PSMF1: variants seen among roughly 807,000 people sequenced by gnomAD.
The protein encoded by PSMF1 is proteasome inhibitor PI31 subunit.
PSMF1 carries 30 observed loss-of-function variants against 29.3 expected under a neutral mutation model. The ratio of observed to expected loss-of-function variants is 1.02; its 90% CI spans 0.77 to 1.39. The LOEUF (loss-of-function observed/expected upper bound fraction) is 1.39. PSMF1 is among the 40% of genes most tolerant of loss of function. The pLI is 0.00. For synonymous variants in PSMF1, 134 were observed against 139.7 expected, an observed-to-expected ratio of 0.96 and a Z score of 0.29; for missense variants, 344 against 357.5, an observed-to-expected ratio of 0.96 and a Z score of 0.31.
Position 1,125,668 on chromosome 20 carries a change from G to T in PSMF1, c.282+18G>T. The T allele has an allele frequency of 6.2e-7, 1 of 1,603,292 alleles. No homozygotes were observed. The highest frequency in any genetic ancestry group is 8.5e-7 in the Non-Finnish European group (1 of 1,175,200). ...ATGTGCTGGTGAGTCTCTGGGACACGTGAGTCTGCTGATGAGATGGGGATA... is the reference window on the plus strand; with the variant it reads ...ATGTGCTGGTGAGTCTCTGGGACACTTGAGTCTGCTGATGAGATGGGGATA... On this transcript the variant is annotated intron_variant, in intron 2 of 6. Coordinates refer to ENST00000335877, the MANE Select transcript of PSMF1 (RefSeq NM_006814.5).
At chr20:1,160,902 G>C in intron 4 of PSMF1, 1 of 447,048 alleles carries the variant, frequency 2.2e-6, no homozygotes, top group Non-Finnish European at 4.5e-6. Flanking sequence ...TGCTGACTGA[G>C]GGCCCCCTGA....
At position 1,143,254 on chromosome 20, in the gene PSMF1, A is replaced by G. The variant is rs560950772; in HGVS notation, c.551+7948A>G. The stretch of plus-strand genomic sequence containing the variant: ...ATCATTCTACCCAATATTAGGGCTA[A>G]TTATATAGCTAAAGTAATCAAGATG... On this transcript the variant is annotated intron_variant, in intron 4 of 6. Coordinates refer to ENST00000335877, the MANE Select transcript of PSMF1 (RefSeq NM_006814.5). Among the ~76,000 whole-genome samples, 20 of 152,364 alleles carry G rather than the reference A, an allele frequency of 1.3e-4. No individual in the cohort carries two copies. The South Asian group carries it at 3.3e-3, about 25-fold the overall frequency.
At chr20:1,149,926 G>T (rs1360739042) in intron 4 of PSMF1, among the ~76,000 whole-genome samples, 1 of 151,386 alleles carries the variant, frequency 6.6e-6, no homozygotes, top group African/African-American at 2.5e-5. Context: ...TTGAGAGGCT[G>T]AGGTGGGAGG....
At chr20:1,153,326 A>T (rs1422622068) in intron 4 of PSMF1, among the ~76,000 whole-genome samples, 1 of 152,134 alleles carries the variant, frequency 6.6e-6, no homozygotes, top group South Asian at 2.1e-4. Context: ...GGCAGAATTC[A>T]GTTCCTTGCG....
In PSMF1 at chr20:1,165,093, T is replaced by C. The variant is rs201939911; in HGVS notation, c.*13T>C. On this transcript the variant is annotated 3_prime_UTR_variant, in exon 7 of 7. Coordinates refer to ENST00000335877, the MANE Select transcript of PSMF1 (RefSeq NM_006814.5). ...CATGTACCTGTGAAGGCCTCAAGAA[T>C]GTAACATCCCAGGCTTCCCTCCATT... The C allele has an allele frequency of 3.7e-6, 6 of 1,614,012 alleles. No individual in the cohort carries two copies. Among genetic ancestry groups the C allele is most frequent in the Admixed American group, 3.3e-5 (2 of 59,996 alleles).
At chr20:1,154,630 T>A (rs576402844) in intron 4 of PSMF1, among the ~76,000 whole-genome samples, 1 of 152,330 alleles carries the variant, frequency 6.6e-6, no homozygotes, top group South Asian at 2.1e-4. Context: ...CAGTGTCAGC[T>A]TACCTGGGAG....
In PSMF1 at chr20:1,165,403, G is replaced by A; in HGVS notation, c.*323G>A. The A allele has an allele frequency of 8.1e-7, 1 of 1,239,994 alleles. No individual in the cohort carries two copies. The highest frequency in any genetic ancestry group is 1.0e-6 in the Non-Finnish European group (1 of 987,038). The allele number at this position is 1,239,994 out of a possible 1,614,324, so 76.8% of individuals were successfully genotyped here. A position where few individuals can be genotyped will look rare whatever the true frequency, so the allele number is the denominator to read the frequency against. On this transcript the variant is annotated 3_prime_UTR_variant, in exon 7 of 7. Coordinates refer to ENST00000335877, the MANE Select transcript of PSMF1 (RefSeq NM_006814.5). ...ACATATATCCTCGACCAGATGCAGT[G>A]CTATAAGAACAGAACGCATTTTGGA...
At chr20:1,160,967 C>T in intron 4 of PSMF1, 2 of 424,504 alleles carry the variant, frequency 4.7e-6, no homozygotes, top group Non-Finnish European at 9.5e-6. Flanking sequence ...ACCTTCAATA[C>T]CCTGGACATG....
chr20:1,140,790 A>G (rs941050719), intron 4 of PSMF1, among the ~76,000 whole-genome samples: 5 of 152,260 alleles, frequency 3.3e-5, no homozygotes, highest in African/African-American at 1.2e-4. Context: ...AAATGTTCAA[A>G]GGATTTGAGT....
chr20:1,119,043 C>T (rs2086048706), intron 1 of PSMF1, 141 bp downstream of exon 1: 2 of 1,233,740 alleles, frequency 1.6e-6, no homozygotes, highest in Non-Finnish European at 2.2e-6. Flanking sequence ...TTGGTAAAAC[C>T]TGCGGGTCGG....
rs2086664190 is a variant in PSMF1, at chr20:1,161,283, A to G, written c.552-1847A>G. ...CGCTATGTCATCCTTCTCCCTGGAG[A>G]AAAGCTACAAACTGCCTGACAGCCA... On this transcript the variant is annotated intron_variant, in intron 4 of 6. Coordinates refer to ENST00000335877, the MANE Select transcript of PSMF1 (RefSeq NM_006814.5). 1.6e-5 allele frequency: 5 copies of G among 318,910 alleles called. No individual in the cohort carries two copies. In the South Asian group the frequency reaches 2.6e-4, roughly 17 times the overall value. 19.8% of individuals were successfully genotyped at this position (318,910 alleles called of 1,614,324 possible).
chr20:1,150,101 G>A (rs1041911908), intron 4 of PSMF1, among the ~76,000 whole-genome samples: 41 of 151,374 alleles, frequency 2.7e-4, no homozygotes, highest in African/African-American at 4.4e-4. Flanking sequence ...GATTGCTTGA[G>A]CCCAGGAGGT....
At chr20:1,115,697 C>G (rs1214593948), upstream of PSMF1, among the ~76,000 whole-genome samples, 2 of 151,294 alleles carry the variant, frequency 1.3e-5, no homozygotes, top group Non-Finnish European at 2.9e-5. Context: ...TTTGCACATA[C>G]TGTTTCCTTT....
intron 4 of PSMF1, chr20:1,161,746 C>A (rs950225927): frequency 8.3e-6 from 4 of 482,484 alleles, no homozygotes; most frequent in Non-Finnish European, 1.6e-5. Context: ...ATAATTCACA[C>A]GTATAAATTT....
chr20:1,118,942 C>A (rs2086046650), intron 1 of PSMF1, 40 bp downstream of exon 1: 1 of 1,607,024 alleles, frequency 6.2e-7, no homozygotes, highest in Non-Finnish European at 8.5e-7. Context: ...AGGGAACTGT[C>A]TTCTGCCCAA....
chr20:1,133,551 A>ATATGTG (rs1555760034), intron 3 of PSMF1, among the ~76,000 whole-genome samples: 1 of 61,196 alleles, frequency 1.6e-5, no homozygotes, highest in African/African-American at 5.7e-5. Flanking sequence ...TAGTCTATAT[A>ATATGTG]TGTGTATATA....
intron 3 of PSMF1, among the ~76,000 whole-genome samples, chr20:1,133,570 T>TATATATATATATATA (rs1555760108): frequency 3.6e-4 from 23 of 63,108 alleles, no homozygotes; most frequent in South Asian, 5.3e-4. Context: ...TATATATATA[T>TATATATATATATATA]TTTTTTTTTT....
At position 1,163,075 on chromosome 20, in the gene PSMF1, T is replaced by C; in HGVS notation, c.552-55T>C. 3 of 1,587,304 alleles carry C rather than the reference T, an allele frequency of 1.9e-6. No individual in the cohort carries two copies. The highest frequency in any genetic ancestry group is 2.6e-6 in the Non-Finnish European group (3 of 1,157,336). ...GTGAGTGTGTTTGTGATCCCACATG[T>C]ATCAGGTGCCTGGCTGCTCTGGGAC... On this transcript the variant is annotated intron_variant, in intron 4 of 6. Coordinates refer to ENST00000335877, the MANE Select transcript of PSMF1 (RefSeq NM_006814.5). This position sits in a 1 kb window ranked among gnomAD's most constrained non-coding sequence, Gnocchi z 6.1.
chr20:1,120,534 C>A (rs896705058), intron 1 of PSMF1, among the ~76,000 whole-genome samples: 2 of 152,158 alleles, frequency 1.3e-5, no homozygotes, highest in Non-Finnish European at 2.9e-5. Flanking sequence ...GCATAGTTCC[C>A]CTAACAGAAA....
Sources: allele counts gnomAD v4.1 joint callset (sites outside exome capture counted in the v4.1 genomes callset), GRCh38; gene constraint gnomAD v4.1.1; non-coding constraint Gnocchi (gnomAD v3.1); transcripts MANE v1.5; gene names NCBI Gene and HGNC (gene_info 2026-07-23, HGNC 2026-07-21).